Variants in CREB5 observed in about 807,000 individuals in gnomAD.
CREB5 encodes cyclic AMP-responsive element-binding protein 5.
CREB5 carries 19 observed loss-of-function variants against 57.1 expected under a neutral mutation model. That is an observed-to-expected ratio of 0.33 (90% CI 0.23 to 0.49). The LOEUF (loss-of-function observed/expected upper bound fraction) is 0.49. Ranked by LOEUF, CREB5 falls within the 20% of genes least tolerant of loss-of-function variation. The pLI is 0.99. For missense variants in CREB5, 579 were observed against 671.6 expected (o/e 0.86, Z 1.52); for synonymous variants, 238 against 238.3 (o/e 1.00, Z 0.01).
rs1798402146 is a variant in CREB5 at position 28,635,936 on chromosome 7, G to T, written c.464+65399G>T. Among the ~76,000 whole-genome samples, 9 of 152,338 alleles carry T rather than the reference G, an allele frequency of 5.9e-5. No individual in the cohort carries two copies. In the South Asian group the frequency reaches 1.9e-3, roughly 32 times the overall value. ...AGACCTGTGAGCCCAGCTTTCTGAA[G>T]AGATTAGCAAAGCATATCCAGCAAC... On this transcript the variant is annotated intron_variant, in intron 5 of 10. Coordinates refer to ENST00000357727, the MANE Select transcript of CREB5 (RefSeq NM_182898.4).
rs1790177834 is a variant in CREB5, at chr7:28,457,870, G to A, written c.4-30305G>A. Among the ~76,000 whole-genome samples the A allele has an allele frequency of 2.0e-5, 3 of 152,184 alleles. No individual in the cohort carries two copies. In the South Asian group the frequency reaches 6.2e-4, roughly 32 times the overall value. Reference sequence around the variant, plus strand: ...CGGTAGCTGGTCACAGTCCTGTTGAGAGATTTGCAATGGGAGCCCAACATG... The same window carrying A: ...CGGTAGCTGGTCACAGTCCTGTTGAAAGATTTGCAATGGGAGCCCAACATG... On this transcript the variant is annotated intron_variant, in intron 1 of 10. Transcript: ENST00000357727.
At position 28,412,800 on chromosome 7, in the gene CREB5, A is replaced by C. The variant is rs1385486718; in HGVS notation, c.-115A>C. ...TGAAATACTGAGGCAAATACTCAAG[A>C]CTTATTTTCTTCCTAATCTTGCTGG... On this transcript the variant is annotated 5_prime_UTR_variant, in exon 1 of 11. Coordinates refer to ENST00000357727, the MANE Select transcript of CREB5 (RefSeq NM_182898.4). The C allele has an allele frequency of 3.1e-6, 3 of 965,258 alleles. No homozygotes were observed. Among genetic ancestry groups the C allele is most frequent in the Non-Finnish European group, 4.5e-6 (3 of 672,328 alleles). The allele number at this position is 965,258 out of a possible 1,614,324, so 59.8% of individuals were successfully genotyped here. A position where few individuals can be genotyped will look rare whatever the true frequency, so the allele number is the denominator to read the frequency against.
At chr7:28,604,768 C>T (rs1797046988) in intron 5 of CREB5, among the ~76,000 whole-genome samples, 1 of 151,852 alleles carries the variant, frequency 6.6e-6, no homozygotes, top group Admixed American at 6.6e-5. Flanking sequence ...CAAAATAGCC[C>T]TATCATTGGG....
chr7:28,803,833 T>C lies in CREB5; in HGVS notation c.703-366T>C, dbSNP rs138619047. Among the ~76,000 whole-genome samples the C allele has an allele frequency of 2.0e-3, 297 of 152,106 alleles. 1 individual carries two copies. The highest frequency in any genetic ancestry group is 7.0e-3 in the African/African-American group (290 of 41,490). ...TCTTTGTTCAGTGCTATCACCATAT[T>C]GAATGGTGCTCTTTGGTGTATGCTT... is the stretch of plus-strand genomic sequence containing the variant. On this transcript the variant is annotated intron_variant, in intron 7 of 10. Coordinates refer to ENST00000357727, the MANE Select transcript of CREB5 (RefSeq NM_182898.4).
At chr7:28,743,696 G>A (rs1003323863) in intron 7 of CREB5, among the ~76,000 whole-genome samples, 5 of 152,084 alleles carry the variant, frequency 3.3e-5, no homozygotes, top group African/African-American at 9.7e-5. Context: ...AGATCAAGGT[G>A]TCAGTGGGGT....
At chr7:28,689,487 T>G (rs1048849822) in intron 5 of CREB5, among the ~76,000 whole-genome samples, 1 of 152,092 alleles carries the variant, frequency 6.6e-6, no homozygotes, top group East Asian at 1.9e-4. Context: ...AATAATAATA[T>G]GGAGAGATTC....
intron 4 of CREB5, among the ~76,000 whole-genome samples, chr7:28,540,916 T>G (rs1441643495): frequency 6.6e-6 from 1 of 152,192 alleles, no homozygotes; most frequent in African/African-American, 2.4e-5. Flanking sequence ...GCTGAATTAA[T>G]TGATGCTCTT....
intron 5 of CREB5, among the ~76,000 whole-genome samples, chr7:28,682,674 C>A (rs1193530475): frequency 7.0e-6 from 1 of 141,884 alleles, no homozygotes; most frequent in South Asian, 2.2e-4. Flanking sequence ...TAAATTCAAA[C>A]CTAAAAGTGG....
chr7:28,593,571 T>C (rs981399072), intron 5 of CREB5, among the ~76,000 whole-genome samples: 1 of 152,218 alleles, frequency 6.6e-6, no homozygotes, highest in Admixed American at 6.5e-5. Context: ...TATACACACA[T>C]AGAAGATGCC....
intron 5 of CREB5, among the ~76,000 whole-genome samples, chr7:28,710,159 A>G (rs776436020): frequency 6.6e-6 from 1 of 152,198 alleles, no homozygotes; most frequent in Non-Finnish European, 1.5e-5. Flanking sequence ...GATAAAAACT[A>G]CACATTACCT....
intron 10 of CREB5, 40 bp from the exon 11 acceptor site, chr7:28,819,072 GGTGT>G (rs745826605): frequency 5.7e-6 from 9 of 1,574,758 alleles, no homozygotes; most frequent in African/African-American, 1.4e-5. Flanking sequence ...GACCTATATT[GGTGT>G]GTGTGTATGT....
intron 1 of CREB5, among the ~76,000 whole-genome samples, chr7:28,325,321 G>A (rs1460531531): frequency 1.3e-5 from 2 of 152,166 alleles, no homozygotes; most frequent in Non-Finnish European, 2.9e-5. Flanking sequence ...CAGGCATGGT[G>A]GCGGGCGCCT....
intron 7 of CREB5, among the ~76,000 whole-genome samples, chr7:28,781,034 T>C (rs1050895556): frequency 6.6e-6 from 1 of 152,232 alleles, no homozygotes; most frequent in Admixed American, 6.5e-5. Flanking sequence ...AAAATATTCC[T>C]TCCTGCTAGT....
intron 9 of CREB5, 144 bp from the exon 10 acceptor site, chr7:28,817,927 T>G (rs1038360691): frequency 5.2e-5 from 29 of 562,166 alleles, no homozygotes; most frequent in Non-Finnish European, 7.6e-5. Flanking sequence ...CTACAAACTT[T>G]CAGGTGAACC....
At chr7:28,659,700 T>C (rs1484839335) in intron 5 of CREB5, among the ~76,000 whole-genome samples, 1 of 152,218 alleles carries the variant, frequency 6.6e-6, no homozygotes, top group African/African-American at 2.4e-5. Context: ...TTCAATATGA[T>C]TTTGATACTT....
At chr7:28,313,364 G>A (rs1785315453) in intron 1 of CREB5, among the ~76,000 whole-genome samples, 1 of 152,036 alleles carries the variant, frequency 6.6e-6, no homozygotes, top group Non-Finnish European at 1.5e-5. Flanking sequence ...TTTACCTATA[G>A]GCTGTTTGTC....
At position 28,491,828 on chromosome 7, in the gene CREB5, T is replaced by A. The variant is rs528920927; in HGVS notation, c.76-3078T>A. On this transcript the variant is annotated intron_variant, in intron 2 of 10. Transcript: ENST00000357727. ...ATGTCCTACAGCCTGGGAACCTGCATGGAGAAGACAGGATGACTGAGAATT... is the reference window on the plus strand; with the variant it reads ...ATGTCCTACAGCCTGGGAACCTGCAAGGAGAAGACAGGATGACTGAGAATT... Among the ~76,000 whole-genome samples the A allele has an allele frequency of 2.6e-5, 4 of 152,318 alleles. No individual in the cohort carries two copies. The South Asian group carries it at 8.3e-4, about 32-fold the overall frequency.
chr7:28,413,861 C>A (rs1787912523), intron 1 of CREB5, among the ~76,000 whole-genome samples: 1 of 152,184 alleles, frequency 6.6e-6, no homozygotes, highest in Admixed American at 6.5e-5. Context: ...CAGTTTCCCA[C>A]ACCTGCACAT....
intron 5 of CREB5, chr7:28,686,002 C>A: frequency 1.3e-6 from 1 of 767,598 alleles, no homozygotes; most frequent in Non-Finnish European, 2.1e-6. Flanking sequence ...GAGCGAGAGC[C>A]CAGCCGGAGG....
Sources: allele counts gnomAD v4.1 joint callset (sites outside exome capture counted in the v4.1 genomes callset), GRCh38; gene constraint gnomAD v4.1.1; transcripts MANE v1.5; gene names NCBI Gene and HGNC (gene_info 2026-07-23, HGNC 2026-07-21).